RBPJ: variants seen among roughly 807,000 people sequenced by gnomAD.
RBPJ encodes the protein recombining binding protein suppressor of hairless.
RBPJ carries 9 observed loss-of-function variants against 67.8 expected under a neutral mutation model. The ratio of observed to expected loss-of-function variants is 0.13; its 90% CI spans 0.08 to 0.23. The LOEUF (loss-of-function observed/expected upper bound fraction) is 0.23. RBPJ is among the 10% of genes least tolerant of loss of function. The pLI is 1.00. For missense variants in RBPJ, 305 were observed against 595.6 expected (o/e 0.51, Z 5.08); for synonymous variants, 198 against 203.3 (o/e 0.97, Z 0.22).
At chr4:26,359,817 A>C (rs2109489344) in intron 1 of RBPJ, 1 of 152,378 alleles carries the variant, frequency 6.6e-6, no homozygotes, top group African/African-American at 2.4e-5. Flanking sequence ...TTGTCGTTTC[A>C]GATTATTATA....
At chr4:26,288,286 C>T (rs1048003544) in intron 1 of RBPJ, among the ~76,000 whole-genome samples, 4 of 152,166 alleles carry the variant, frequency 2.6e-5, no homozygotes, top group African/African-American at 9.7e-5. Context: ...GTTGGCTGGA[C>T]ATACAGTCTT....
chr4:26,246,170 T>C (rs1017383151), intron 1 of RBPJ, among the ~76,000 whole-genome samples: 4 of 152,226 alleles, frequency 2.6e-5, no homozygotes, highest in Non-Finnish European at 5.9e-5. Context: ...TCATCTTAAT[T>C]GTAGTAAGTC....
At chr4:26,367,124 C>CA (rs1284942224) in intron 1 of RBPJ, among the ~76,000 whole-genome samples, 2 of 151,008 alleles carry the variant, frequency 1.3e-5, no homozygotes, top group African/African-American at 2.4e-5. Flanking sequence ...GACTCTGTTT[C>CA]AAAAAAATAA....
At chr4:26,135,136 A>G in the RBPJ span, among the ~76,000 whole-genome samples, 1 of 152,034 alleles carries the variant, frequency 6.6e-6, no homozygotes, top group African/African-American at 2.4e-5. Context: ...CTGTGGTCCT[A>G]TTCACCCCTC....
At chr4:26,370,865 G>A (rs1004110831) in intron 1 of RBPJ, among the ~76,000 whole-genome samples, 4 of 152,070 alleles carry the variant, frequency 2.6e-5, no homozygotes, top group African/African-American at 9.7e-5. Context: ...CAGATCACGA[G>A]ATAAGGAGAT....
chr4:26,334,064 G>A (rs573254913), intron 1 of RBPJ, among the ~76,000 whole-genome samples: 1 of 146,882 alleles, frequency 6.8e-6, no homozygotes, highest in Non-Finnish European at 1.5e-5. Flanking sequence ...TTTTTTTGAT[G>A]GAGTCTCGCT....
chr4:26,394,529 T>A (rs996795409), intron 2 of RBPJ, among the ~76,000 whole-genome samples: 2 of 152,010 alleles, frequency 1.3e-5, no homozygotes, highest in African/African-American at 2.4e-5. Context: ...GAACAATTAT[T>A]CTTGTACTGT....
intron 1 of RBPJ, among the ~76,000 whole-genome samples, chr4:26,364,601 T>C (rs1193576074): frequency 6.7e-6 from 1 of 148,400 alleles, no homozygotes; most frequent in African/African-American, 2.5e-5. Flanking sequence ...TGGAAGACTT[T>C]TTTTTTTTTT....
At chr4:26,173,260 C>T (rs964786510) in intron 1 of RBPJ, among the ~76,000 whole-genome samples, 4 of 152,140 alleles carry the variant, frequency 2.6e-5, no homozygotes, top group South Asian at 2.1e-4. Context: ...CTCAGCCTCC[C>T]GAATAGCTGG....
chr4:26,329,975 G>A (rs1228408207), intron 1 of RBPJ, among the ~76,000 whole-genome samples: 1 of 152,096 alleles, frequency 6.6e-6, no homozygotes, highest in African/African-American at 2.4e-5. Flanking sequence ...CCCCTTTTCT[G>A]AAGTGTGGAA....
chr4:26,214,807 AAGAGAG>A (rs142705291), intron 1 of RBPJ, among the ~76,000 whole-genome samples: 1 of 107,840 alleles, frequency 9.3e-6, no homozygotes. Flanking sequence ...AGGAAGGGAA[AAGAGAG>A]AGAGAGAAAA....
At chr4:26,204,023 C>T (rs901454460) in intron 1 of RBPJ, among the ~76,000 whole-genome samples, 1 of 152,150 alleles carries the variant, frequency 6.6e-6, no homozygotes, top group African/African-American at 2.4e-5. Flanking sequence ...CAGCTCACTG[C>T]AGCTTCAACC....
the RBPJ span, among the ~76,000 whole-genome samples, chr4:26,155,448 T>TTTTC: frequency 6.6e-6 from 1 of 150,968 alleles, no homozygotes; most frequent in Non-Finnish European, 1.5e-5. Context: ...TTTTTTTTTT[T>TTTTC]TTTTCAGACA....
intron 1 of RBPJ, among the ~76,000 whole-genome samples, chr4:26,209,995 A>C (rs1159417548): frequency 1.3e-5 from 2 of 152,050 alleles, no homozygotes; most frequent in African/African-American, 2.4e-5. Flanking sequence ...CACTTTCAAG[A>C]CCAACAATCT....
intron 1 of RBPJ, among the ~76,000 whole-genome samples, chr4:26,296,295 C>CT (rs950557352): frequency 1.3e-5 from 2 of 152,250 alleles, no homozygotes; most frequent in Admixed American, 6.5e-5. Flanking sequence ...TAACAATGCT[C>CT]TTTTTTTCTT....
intron 1 of RBPJ, among the ~76,000 whole-genome samples, chr4:26,309,142 G>A (rs1722344530): frequency 6.6e-6 from 1 of 150,862 alleles, no homozygotes; most frequent in African/African-American, 2.4e-5. Flanking sequence ...TTAGCCTCTC[G>A]AGTAGCTGGG....
intron 1 of RBPJ, among the ~76,000 whole-genome samples, chr4:26,338,829 T>A (rs1226413757): frequency 6.6e-6 from 1 of 151,890 alleles, no homozygotes; most frequent in Non-Finnish European, 1.5e-5. Context: ...TGCCTCGGCC[T>A]CCCAAAGTGC....
At chr4:26,220,000 G>C (rs1266710360) in intron 1 of RBPJ, among the ~76,000 whole-genome samples, 5 of 151,790 alleles carry the variant, frequency 3.3e-5, no homozygotes, top group Non-Finnish European at 5.9e-5. Flanking sequence ...AGCCAGGATG[G>C]TCTCTATCTG....
intron 1 of RBPJ, among the ~76,000 whole-genome samples, chr4:26,377,325 A>G (rs1241063263): frequency 2.0e-5 from 3 of 152,360 alleles, no homozygotes; most frequent in Non-Finnish European, 4.4e-5. Flanking sequence ...CAATTTAAGC[A>G]ACCTAGTTCC....
Sources: gnomAD v4.1 joint callset for allele counts (sites outside exome capture counted in the v4.1 genomes callset) on GRCh38, gnomAD v4.1.1 for gene constraint, MANE v1.5 for transcripts, NCBI Gene and HGNC (gene_info 2026-07-23, HGNC 2026-07-21) for gene names.